The following CSMD2 variants were observed in gnomAD, a reference collection of about 807,000 sequenced individuals.
CSMD2 encodes CUB and Sushi multiple domains 2, also known as CUB and sushi domain-containing protein 2.
Under a neutral mutation model 398.5 loss-of-function variants are expected in CSMD2, and 130 were observed. The ratio of observed to expected loss-of-function variants is 0.33; its 90% CI spans 0.28 to 0.38. The LOEUF (loss-of-function observed/expected upper bound fraction) is 0.38. CSMD2 is among the 10% of genes least tolerant of loss of function. The probability of loss-of-function intolerance (pLI) is 1.00; values close to 1 mark genes in which losing one functional copy is unlikely to be tolerated. For missense variants in CSMD2, 3,829 were observed against 4,764.9 expected (o/e 0.80, Z 5.78); for synonymous variants, 1,828 against 1,908.5 (o/e 0.96, Z 1.10).
chr1:34,032,094 T>G (rs938916407), intron 3 of CSMD2, among the ~76,000 whole-genome samples: 1 of 152,160 alleles, frequency 6.6e-6, no homozygotes, highest in African/African-American at 2.4e-5. Context: ...ACAAATTATT[T>G]GCATAGCACA....
At chr1:33,808,246 T>C (rs1570050803) in intron 10 of CSMD2, among the ~76,000 whole-genome samples, 1 of 151,930 alleles carries the variant, frequency 6.6e-6, no homozygotes, top group African/African-American at 2.4e-5. Context: ...AATGAAGATA[T>C]AAAAGAGACA....
intron 5 of CSMD2, among the ~76,000 whole-genome samples, chr1:33,909,681 A>G (rs1257293596): frequency 1.3e-5 from 2 of 152,172 alleles, no homozygotes; most frequent in Non-Finnish European, 2.9e-5. Flanking sequence ...GATTTTCCCT[A>G]TGAAAGACGA....
chr1:33,672,954 C>T (rs535050338), intron 25 of CSMD2, among the ~76,000 whole-genome samples: 3 of 152,274 alleles, frequency 2.0e-5, no homozygotes, highest in East Asian at 3.9e-4. Context: ...CACCAAAACC[C>T]CATCTGTACG....
chr1:33,766,924 T>C (rs1650581687), intron 13 of CSMD2, among the ~76,000 whole-genome samples: 1 of 152,228 alleles, frequency 6.6e-6, no homozygotes. Flanking sequence ...ACCGACACCA[T>C]ATTTTGGGGA....
At position 33,792,438 on chromosome 1, in the gene CSMD2, T is replaced by C; in HGVS notation, c.1535A>G (p.Lys512Arg). ...CTGCACTTACATGTAGAGAACTGTC[T>C]TCTGGTCCCCATCCTGACCACCATC... The part of the protein sequence containing the change: ...VGDGGQDGDQ[K>R]TVLYILTGTS... The change falls in exon 11 of 71, where the codon AAG becomes AGG. Residue 512 changes from lysine to arginine, a missense_variant. By Grantham distance (26) the Lys-to-Arg change is conservative (BLOSUM62 2). Transcript: ENST00000373381. 1 of 1,613,580 alleles carries C rather than the reference T, an allele frequency of 6.2e-7. No homozygotes were observed. Among genetic ancestry groups the C allele is most frequent in the South Asian group, 1.1e-5 (1 of 91,058 alleles).
chr1:33,624,504 C>A lies in CSMD2; in HGVS notation c.5625+15G>T, dbSNP rs778268603. 3.7e-6 allele frequency: 6 copies of A among 1,611,690 alleles called. No homozygotes were observed. In the African/African-American group the frequency reaches 8.0e-5, roughly 22 times the overall value. On this transcript the variant is annotated intron_variant, in intron 35 of 70. Transcript: ENST00000373381. The surrounding 1 kb of genome is among the most constrained non-coding windows in gnomAD (Gnocchi z 4.7). The stretch of plus-strand genomic sequence containing the variant: ...GACGGCCACCTGCCCGACCGAGGCG[C>A]CCCCTTGCCCCTACCTGGATGCCAG...
intron 13 of CSMD2, among the ~76,000 whole-genome samples, chr1:33,755,792 T>C (rs1277780770): frequency 6.6e-6 from 1 of 151,970 alleles, no homozygotes; most frequent in Non-Finnish European, 1.5e-5. Flanking sequence ...ACTATAGGTG[T>C]GTGCCACTAT....
chr1:33,616,129 C>T (rs899178369), intron 39 of CSMD2, among the ~76,000 whole-genome samples: 2 of 152,192 alleles, frequency 1.3e-5, no homozygotes, highest in African/African-American at 4.8e-5. Flanking sequence ...GAGATGCTGT[C>T]TTTTCTTGTG....
At chr1:33,883,583 T>G (rs1641381956) in intron 5 of CSMD2, among the ~76,000 whole-genome samples, 1 of 152,192 alleles carries the variant, frequency 6.6e-6, no homozygotes, top group Non-Finnish European at 1.5e-5. Context: ...TCAACCGAGT[T>G]ATAGTCTGTG....
intron 25 of CSMD2, among the ~76,000 whole-genome samples, chr1:33,663,426 G>A (rs1644206263): frequency 6.6e-6 from 1 of 151,878 alleles, no homozygotes; most frequent in Non-Finnish European, 1.5e-5. Context: ...AGCCCATATT[G>A]TTACCATTCT....
chr1:33,584,056 G>T (rs1638904134), intron 46 of CSMD2, among the ~76,000 whole-genome samples: 1 of 152,140 alleles, frequency 6.6e-6, no homozygotes, highest in Non-Finnish European at 1.5e-5. Context: ...CAGTTGGTTG[G>T]AATCACTTCC....
intron 6 of CSMD2, among the ~76,000 whole-genome samples, chr1:33,831,716 T>C (rs1449804578): frequency 2.0e-5 from 3 of 152,210 alleles, no homozygotes; most frequent in Non-Finnish European, 4.4e-5. Context: ...CATCGACTGG[T>C]AAATTGGATA....
intron 3 of CSMD2, among the ~76,000 whole-genome samples, chr1:33,938,348 C>A (rs1158621214): frequency 1.5e-5 from 2 of 129,430 alleles, no homozygotes; most frequent in South Asian, 4.8e-4. Flanking sequence ...TTCCCATGAT[C>A]CTGTACTGCT....
At chr1:33,726,714 T>C in intron 15 of CSMD2, 29 bp from the exon 16 acceptor site, 1 of 1,594,442 alleles carries the variant, frequency 6.3e-7, no homozygotes. Context: ...GAGAGGCAGC[T>C]TTCTTCAGGG....
At chr1:33,718,087 C>T (rs950685443) in intron 19 of CSMD2, among the ~76,000 whole-genome samples, 5 of 152,100 alleles carry the variant, frequency 3.3e-5, no homozygotes, top group African/African-American at 9.7e-5. Flanking sequence ...GAAACGGAGG[C>T]ACAAAGAGAT....
intron 10 of CSMD2, among the ~76,000 whole-genome samples, chr1:33,797,984 C>T (rs1012663540): frequency 1.3e-4 from 20 of 152,204 alleles, no homozygotes; most frequent in African/African-American, 4.6e-4. Context: ...AGAGTGCCGA[C>T]CCTGATGCAG....
rs544689740 is a variant in CSMD2 at position 34,123,838 on chromosome 1, G to T, written c.188-34645C>A. Among the ~76,000 whole-genome samples the T allele has an allele frequency of 1.1e-4, 16 of 152,240 alleles. No individual in the cohort carries two copies. In the East Asian group the frequency reaches 3.1e-3, roughly 29 times the overall value. ...AAAAACAACAACATGGCTTAAGAGA[G>T]CTTTTCCCTAAACAGTAAGAGACCA... is the stretch of plus-strand genomic sequence containing the variant. On this transcript the variant is annotated intron_variant, in intron 1 of 70. Coordinates refer to ENST00000373381, the MANE Select transcript of CSMD2 (RefSeq NM_001281956.2).
chr1:33,902,790 G>A (rs1312556717), intron 5 of CSMD2, among the ~76,000 whole-genome samples: 2 of 152,158 alleles, frequency 1.3e-5, no homozygotes, highest in Admixed American at 1.3e-4. Flanking sequence ...GTCCCTGGCG[G>A]TCCCCAAGTT....
intron 2 of CSMD2, among the ~76,000 whole-genome samples, chr1:34,051,772 T>C (rs557758750): frequency 1.3e-4 from 20 of 152,304 alleles, no homozygotes; most frequent in Non-Finnish European, 2.8e-4. Flanking sequence ...AAGATGTATA[T>C]AGTGCAGAGT....
Sources: allele counts gnomAD v4.1 joint callset (sites outside exome capture counted in the v4.1 genomes callset), GRCh38; gene constraint gnomAD v4.1.1; non-coding constraint Gnocchi (gnomAD v3.1); transcripts MANE v1.5; gene names NCBI Gene and HGNC (gene_info 2026-07-23, HGNC 2026-07-21).